The following GABRG1 variants were observed in gnomAD, a reference collection of about 807,000 sequenced individuals.
The protein encoded by GABRG1 is gamma-aminobutyric acid receptor subunit gamma-1.
GABRG1 carries 49 observed loss-of-function variants against 49.8 expected under a neutral mutation model. The observed-to-expected ratio is 0.98, with a 90% CI of 0.78 to 1.25. GABRG1 has a LOEUF of 1.25. Ranked by LOEUF, GABRG1 falls within the 50% of genes most tolerant of loss-of-function variation. GABRG1 has a pLI of 0.00. For synonymous variants in GABRG1, 232 were observed against 185.1 expected (o/e 1.25, Z -2.06); for missense variants, 552 against 552.3 (o/e 1.00, Z 0.01).
chr4:46,077,191 C>T (rs1560361223), intron 3 of GABRG1, among the ~76,000 whole-genome samples: 2 of 151,078 alleles, frequency 1.3e-5, no homozygotes, highest in African/African-American at 2.4e-5. Context: ...AGGAGATATA[C>T]CTAATGCTAA....
chr4:46,100,196 A>G (rs1241795973), intron 1 of GABRG1, among the ~76,000 whole-genome samples: 1 of 151,680 alleles, frequency 6.6e-6, no homozygotes, highest in East Asian at 1.9e-4. Context: ...CTCCAAGTAA[A>G]TAAGTACATA....
At chr4:46,119,845 TA>T in intron 1 of GABRG1, among the ~76,000 whole-genome samples, 1 of 151,770 alleles carries the variant, frequency 6.6e-6, no homozygotes, top group South Asian at 2.1e-4. Context: ...TTAAAAGACT[TA>T]AAAGACATTT....
At chr4:46,103,732 A>T (rs895696553) in intron 1 of GABRG1, among the ~76,000 whole-genome samples, 5 of 151,368 alleles carry the variant, frequency 3.3e-5, no homozygotes, top group Non-Finnish European at 7.4e-5. Context: ...GTTAATTTTG[A>T]GTGTCATTTT....
chr4:46,116,726 G>C (rs958718125), intron 1 of GABRG1, among the ~76,000 whole-genome samples: 3 of 150,740 alleles, frequency 2.0e-5, no homozygotes, highest in African/African-American at 7.3e-5. Flanking sequence ...GTCTACTCTA[G>C]TCATGACAAT....
At chr4:46,078,414 A>G (rs1347697364) in intron 3 of GABRG1, among the ~76,000 whole-genome samples, 1 of 152,020 alleles carries the variant, frequency 6.6e-6, no homozygotes, top group Non-Finnish European at 1.5e-5. Flanking sequence ...TGTAGAAACT[A>G]TAGCTAAAGG....
At chr4:46,057,100 A>G (rs755518604) in intron 7 of GABRG1, among the ~76,000 whole-genome samples, 2 of 152,148 alleles carry the variant, frequency 1.3e-5, no homozygotes, top group Non-Finnish European at 2.9e-5. Flanking sequence ...AAGTTATAGT[A>G]GCATACAAAG....
At chr4:46,088,805 T>TGTGTGTGTGTGTG (rs1553882201) in intron 2 of GABRG1, among the ~76,000 whole-genome samples, 1 of 142,622 alleles carries the variant, frequency 7.0e-6, no homozygotes, top group African/African-American at 2.7e-5. Flanking sequence ...GTGTGTGTGT[T>TGTGTGTGTGTGTG]TGTGTGTGTT....
At chr4:46,061,560 G>T (rs1459406245) in intron 5 of GABRG1, among the ~76,000 whole-genome samples, 2 of 151,800 alleles carry the variant, frequency 1.3e-5, no homozygotes, top group African/African-American at 2.4e-5. Context: ...TATGTATCTA[G>T]AAAAATACTT....
rs1270369675 is a variant in GABRG1 at position 46,038,901 on chromosome 4, A to C, written c.*2087T>G. Reference sequence around the variant, plus strand: ...AAGTTAATGAAACACCAGTGAGAAAATCAAAGCTATTTTTTTTCTTTTACA... The same window carrying C: ...AAGTTAATGAAACACCAGTGAGAAACTCAAAGCTATTTTTTTTCTTTTACA... On this transcript the variant is annotated 3_prime_UTR_variant, in exon 9 of 9. Coordinates refer to ENST00000295452, the MANE Select transcript of GABRG1 (RefSeq NM_173536.4). The C allele has an allele frequency of 6.6e-6, 1 of 151,654 alleles. No individual in the cohort carries two copies. Among genetic ancestry groups the C allele is most frequent in the Non-Finnish European group, 1.5e-5 (1 of 67,694 alleles). The allele number at this position is 151,654 out of a possible 1,614,324, so 9.4% of individuals were successfully genotyped here.
chr4:46,082,888 T>C (rs1719626981), intron 3 of GABRG1, among the ~76,000 whole-genome samples: 1 of 151,806 alleles, frequency 6.6e-6, no homozygotes, highest in South Asian at 2.1e-4. Context: ...TGTGATCTTC[T>C]TAATCTGAAT....
intron 1 of GABRG1, among the ~76,000 whole-genome samples, chr4:46,101,100 G>A (rs1720364659): frequency 6.6e-6 from 1 of 150,530 alleles, no homozygotes; most frequent in Non-Finnish European, 1.5e-5. Context: ...TACATGTTTT[G>A]GATAAATATT....
intron 1 of GABRG1, among the ~76,000 whole-genome samples, chr4:46,109,469 G>A (rs199838989): frequency 1.3e-5 from 2 of 150,390 alleles, no homozygotes; most frequent in East Asian, 3.9e-4. Context: ...TTTTAGAAAA[G>A]GTTTCACTGA....
At chr4:46,099,338 G>T (rs930433924) in intron 1 of GABRG1, among the ~76,000 whole-genome samples, 2 of 151,638 alleles carry the variant, frequency 1.3e-5, no homozygotes, top group African/African-American at 2.4e-5. Flanking sequence ...CTTCTGCCAG[G>T]TGATACTCAG....
At chr4:46,073,523 G>T (rs532562149) in intron 3 of GABRG1, among the ~76,000 whole-genome samples, 22 of 151,982 alleles carry the variant, frequency 1.4e-4, no homozygotes, top group African/African-American at 4.6e-4. Flanking sequence ...CATGGCATTT[G>T]TATCTATGTT....
intron 1 of GABRG1, among the ~76,000 whole-genome samples, chr4:46,112,211 G>A (rs1192073975): frequency 6.6e-6 from 1 of 151,036 alleles, no homozygotes; most frequent in Non-Finnish European, 1.5e-5. Context: ...AGAAGACATA[G>A]AGGTGGCCAG....
chr4:46,067,754 G>A (rs1289891472), intron 3 of GABRG1, among the ~76,000 whole-genome samples: 5 of 152,134 alleles, frequency 3.3e-5, no homozygotes, highest in Middle Eastern at 3.2e-3. Context: ...AGCACAGGCT[G>A]AGTCATAAGG....
chr4:46,116,588 A>C (rs1192541112), intron 1 of GABRG1, among the ~76,000 whole-genome samples: 1 of 150,822 alleles, frequency 6.6e-6, no homozygotes, highest in African/African-American at 2.4e-5. Flanking sequence ...AGAAACATAT[A>C]TATTTTTCTA....
chr4:46,118,514 A>G (rs1173364381), intron 1 of GABRG1, among the ~76,000 whole-genome samples: 1 of 151,118 alleles, frequency 6.6e-6, no homozygotes, highest in Non-Finnish European at 1.5e-5. Flanking sequence ...TTCATTGAGC[A>G]GGAATTCTGA....
intron 3 of GABRG1, among the ~76,000 whole-genome samples, chr4:46,079,369 T>A (rs1719478667): frequency 6.6e-6 from 1 of 151,930 alleles, no homozygotes; most frequent in Non-Finnish European, 1.5e-5. Context: ...GAATCAGAAT[T>A]TCTAGCAGGA....
Sources: allele counts gnomAD v4.1 joint callset (sites outside exome capture counted in the v4.1 genomes callset), GRCh38; gene constraint gnomAD v4.1.1; transcripts MANE v1.5; gene names NCBI Gene and HGNC (gene_info 2026-07-23, HGNC 2026-07-21).